CCM2: variants seen among roughly 807,000 people sequenced by gnomAD.
CCM2 encodes the protein CCM2 scaffold protein.
In CCM2, 25 loss-of-function variants were observed where a neutral mutation model predicts 44.9. The observed-to-expected ratio is 0.56, with a 90% confidence interval of 0.41 to 0.78. The LOEUF (loss-of-function observed/expected upper bound fraction) is 0.78. Among genes scored for constraint, CCM2 ranks in the 30% least tolerant of loss-of-function variants. The probability of loss-of-function intolerance (pLI) is 0.00; values close to 1 mark genes in which losing one functional copy is unlikely to be tolerated. For missense variants in CCM2, 481 were observed against 580.6 expected, an observed-to-expected ratio of 0.83 and a Z score of 1.76; for synonymous variants, 219 against 241.1, an observed-to-expected ratio of 0.91 and a Z score of 0.85.
At chr7:45,070,174 C>T (rs898787574) in intron 6 of CCM2, 45 of 608,836 alleles carry the variant, frequency 7.4e-5, no homozygotes, top group Non-Finnish European at 1.1e-4. Context: ...ACCAGGTCAG[C>T]GCTATGGCTT....
chr7:45,042,265 C>CAAAAAA lies in CCM2; in HGVS notation c.204+3844_204+3849dup, dbSNP rs71565940. On this transcript the variant is annotated intron_variant, in intron 2 of 9. Transcript: ENST00000258781. ...TGGGTAACAGAGCGAGATTCCATCT[C>CAAAAAA]AAAAAAAAAAGGTGCCGTTCCCTTC... Among the ~76,000 whole-genome samples, 5 of 102,418 alleles carry CAAAAAA rather than the reference C, an allele frequency of 4.9e-5. 1 individual carries two copies. The highest frequency in any genetic ancestry group is 1.4e-4 in the African/African-American group (3 of 21,014). 67.2% of individuals were successfully genotyped at this position (102,418 alleles called of 152,430 possible).
rs1583982772 is a variant in CCM2 at position 45,069,545 on chromosome 7, A to T, written c.610-281A>T. Among the ~76,000 whole-genome samples, 6 of 152,348 alleles carry T rather than the reference A, an allele frequency of 3.9e-5. 1 individual carries two copies. Among genetic ancestry groups the T allele is most frequent in the Admixed American group, 3.9e-4 (6 of 15,310 alleles). On this transcript the variant is annotated intron_variant, in intron 5 of 9. Transcript: ENST00000258781. ...GATAGGTCAGGTTAATGGAAAGAAG[A>T]CGTTGGACTGGCAGCTAACACTTGT...
chr7:45,064,308 T>A (rs1798662005), intron 3 of CCM2, among the ~76,000 whole-genome samples, 155 bp from the exon 4 acceptor site: 1 of 152,234 alleles, frequency 6.6e-6, no homozygotes, highest in East Asian at 1.9e-4. Flanking sequence ...TTGGTGTCCC[T>A]GGAATAAGCA....
chr7:45,071,674 A>C (rs1027976969), intron 6 of CCM2: 3 of 431,450 alleles, frequency 7.0e-6, no homozygotes, highest in Non-Finnish European at 1.4e-5. Flanking sequence ...TCCAGAGAAG[A>C]AGCCATTTCC....
chr7:45,076,307 C>T lies in CCM2; in HGVS notation c.*250C>T, dbSNP rs1362059353. On this transcript the variant is annotated 3_prime_UTR_variant, in exon 10 of 10. Coordinates refer to ENST00000258781, the MANE Select transcript of CCM2 (RefSeq NM_031443.4). ...GCTCAGCCAAGCCCTGCAGTGTGTC[C>T]CCGCTCGGGGAGGGCCCGGCCGAGC... is the stretch of plus-strand genomic sequence containing the variant. 3 of 675,508 alleles carry T rather than the reference C, an allele frequency of 4.4e-6. No homozygotes were observed. Among genetic ancestry groups the T allele is most frequent in the African/African-American group, 3.5e-5 (2 of 56,776 alleles). 41.8% of individuals were successfully genotyped at this position (675,508 alleles called of 1,614,324 possible).
At chr7:45,057,509 G>A (rs1478173524) in intron 2 of CCM2, among the ~76,000 whole-genome samples, 4 of 152,260 alleles carry the variant, frequency 2.6e-5, no homozygotes, top group East Asian at 1.9e-4. Context: ...TTTATATCAC[G>A]CTCTTTCCAT....
At chr7:45,002,751 G>A (rs1056938680) in intron 1 of CCM2, among the ~76,000 whole-genome samples, 1 of 152,072 alleles carries the variant, frequency 6.6e-6, no homozygotes, top group Non-Finnish European at 1.5e-5. Flanking sequence ...GCCATGGTTC[G>A]TTTAACAAAT....
chr7:45,051,511 C>T (rs1798006052), intron 2 of CCM2, among the ~76,000 whole-genome samples: 1 of 152,138 alleles, frequency 6.6e-6, no homozygotes, highest in Admixed American at 6.5e-5. Context: ...CATTCTCCTG[C>T]CTCAGCCTCC....
At chr7:45,044,861 A>G (rs780798265) in intron 2 of CCM2, among the ~76,000 whole-genome samples, 5 of 152,128 alleles carry the variant, frequency 3.3e-5, no homozygotes, top group African/African-American at 7.2e-5. Flanking sequence ...TATACCCTAT[A>G]ATATGATTTT....
intron 1 of CCM2, among the ~76,000 whole-genome samples, chr7:45,012,580 G>A (rs976808372): frequency 6.6e-6 from 1 of 152,106 alleles, no homozygotes; most frequent in African/African-American, 2.4e-5. Flanking sequence ...AACTGCCGAA[G>A]AGTCTCGCTC....
Position 45,009,467 on chromosome 7 carries a change from T to A in CCM2, c.30+9104T>A, listed in dbSNP as rs574174348. On this transcript the variant is annotated intron_variant, in intron 1 of 9. Transcript: ENST00000258781. Reference sequence around the variant, plus strand: ...TCACCTAGGATGGAGTGCAATGGCGTGATTTCGGCTCATTGCAACCTCCGC... The same window carrying A: ...TCACCTAGGATGGAGTGCAATGGCGAGATTTCGGCTCATTGCAACCTCCGC... Among the ~76,000 whole-genome samples the A allele has an allele frequency of 3.0e-5, 4 of 132,146 alleles. No individual in the cohort carries two copies. The South Asian group carries it at 1.1e-3, about 35-fold the overall frequency. The allele number at this position is 132,146 out of a possible 152,430, so 86.7% of individuals were successfully genotyped here.
chr7:45,057,566 G>A (rs1798323932), intron 2 of CCM2, among the ~76,000 whole-genome samples: 1 of 152,176 alleles, frequency 6.6e-6, no homozygotes, highest in South Asian at 2.1e-4. Context: ...TATGAAAATA[G>A]TTGAAATTTA....
In CCM2 at chr7:45,073,524, G is replaced by A. The variant is rs538393509; in HGVS notation, c.868G>A (p.Glu290Lys). Residue 290 changes from glutamate to lysine, a missense_variant, in exon 8 of 10, where the codon GAG becomes AAG. By Grantham distance (56) the Glu-to-Lys change is moderately conservative. Transcript: ENST00000258781. ...CCACAGCAAGACCATCAGTGAGAGC[G>A]AGCTGAGCGCCAGCGCCACTGAGCT... The part of the protein sequence containing the change: ...SPHSKTISES[E>K]LSASATELLQ... The A allele has an allele frequency of 5.0e-6, 8 of 1,613,034 alleles. No homozygotes were observed. The highest frequency in any genetic ancestry group is 5.9e-6 in the Non-Finnish European group (7 of 1,179,988).
At chr7:45,070,501 C>T (rs1256446008) in intron 6 of CCM2, 1 of 455,674 alleles carries the variant, frequency 2.2e-6, no homozygotes, top group Non-Finnish European at 4.4e-6. Flanking sequence ...CTGTCTCTTC[C>T]TGCATGGCCC....
chr7:45,010,669 C>T (rs1319564310), intron 1 of CCM2, among the ~76,000 whole-genome samples: 2 of 152,076 alleles, frequency 1.3e-5, no homozygotes, highest in Non-Finnish European at 1.5e-5. Flanking sequence ...GTGATCTCAG[C>T]TCACTGTAAC....
chr7:45,056,760 A>G (rs1047498455), intron 2 of CCM2, among the ~76,000 whole-genome samples: 3 of 152,166 alleles, frequency 2.0e-5, no homozygotes, highest in Admixed American at 6.5e-5. Context: ...ATTTTCTCCC[A>G]TACTGTGGGT....
At position 45,016,422 on chromosome 7, in the gene CCM2, C is replaced by T. The variant is rs754546813; in HGVS notation, c.30+16059C>T. 3.3e-5 allele frequency among the ~76,000 whole-genome samples: 5 copies of T among 151,870 alleles called. No individual in the cohort carries two copies. In the East Asian group the frequency reaches 5.8e-4, roughly 18 times the overall value. ...TTGGCTCACTGCAACCTCTGCCTCC[C>T]GGGTTCAAGCGATTCTCCTGTCTCA... On this transcript the variant is annotated intron_variant, in intron 1 of 9. Coordinates refer to ENST00000258781, the MANE Select transcript of CCM2 (RefSeq NM_031443.4).
At chr7:45,045,702 A>T in intron 2 of CCM2, among the ~76,000 whole-genome samples, 1 of 152,156 alleles carries the variant, frequency 6.6e-6, no homozygotes, top group South Asian at 2.1e-4. Context: ...GAGGCAGGAG[A>T]ACAGCATGAA....
intron 2 of CCM2, among the ~76,000 whole-genome samples, chr7:45,045,776 G>A (rs964234194): frequency 1.3e-5 from 2 of 152,202 alleles, no homozygotes; most frequent in African/African-American, 4.8e-5. Flanking sequence ...GGGTGACAGA[G>A]TGAGACTTTG....
Sources: gnomAD v4.1 joint callset for allele counts (sites outside exome capture counted in the v4.1 genomes callset) on GRCh38, gnomAD v4.1.1 for gene constraint, MANE v1.5 for transcripts, NCBI Gene and HGNC (gene_info 2026-07-23, HGNC 2026-07-21) for gene names.